The following TBXA2R variants were observed in gnomAD, a reference collection of about 807,000 sequenced individuals.
The protein encoded by TBXA2R is thromboxane A2 receptor.
A neutral mutation model predicts 15.6 loss-of-function variants in TBXA2R; 15 were observed. The ratio of observed to expected loss-of-function variants is 0.96; its 90% CI spans 0.64 to 1.48. The LOEUF (loss-of-function observed/expected upper bound fraction) is 1.48. TBXA2R is among the 40% of genes most tolerant of loss of function. TBXA2R has a pLI of 0.00. For synonymous variants in TBXA2R, 280 were observed against 241.2 expected (o/e 1.16, Z -1.49); for missense variants, 506 against 491.4 (o/e 1.03, Z -0.28).
Position 3,595,889 on chromosome 19 carries a change from G to A in TBXA2R, c.831C>T (p.Ser277=), listed in dbSNP as rs369380759. 6.2e-7 allele frequency: 1 copy of A among 1,607,910 alleles called. No individual in the cohort carries two copies. The highest frequency in any genetic ancestry group is 8.5e-7 in the Non-Finnish European group (1 of 1,177,868). ...QTVLRNPPAM[S]PAGQLSRTTE... Reference sequence around the variant, plus strand: ...TGGTGCGGGACAGCTGCCCGGCGGGGCTCATGGCAGGCGGGTTTCGCAGCA... The same window carrying A: ...TGGTGCGGGACAGCTGCCCGGCGGGACTCATGGCAGGCGGGTTTCGCAGCA... The change falls in exon 3 of 3, where the codon AGC becomes AGT. Residue 277 remains serine (S), a synonymous_variant. Coordinates refer to ENST00000375190, the MANE Select transcript of TBXA2R (RefSeq NM_001060.6).
Position 3,595,652 on chromosome 19 carries a change from C to G in TBXA2R, c.*36G>C. 2 of 1,538,538 alleles carry G rather than the reference C, an allele frequency of 1.3e-6. No individual in the cohort carries two copies. On this transcript the variant is annotated 3_prime_UTR_variant, in exon 3 of 3. Coordinates refer to ENST00000375190, the MANE Select transcript of TBXA2R (RefSeq NM_001060.6). ...GGGCTGTCCGAGGGGCCAAGGGCTCCGCGGAAAGGCGCGGGAGGGGCGCTC... is the reference window on the plus strand; with the variant it reads ...GGGCTGTCCGAGGGGCCAAGGGCTCGGCGGAAAGGCGCGGGAGGGGCGCTC...
chr19:3,603,705 A>G (rs1310109797), intron 1 of TBXA2R, among the ~76,000 whole-genome samples: 1 of 152,090 alleles, frequency 6.6e-6, no homozygotes, highest in Non-Finnish European at 1.5e-5. Flanking sequence ...GAGCAAATGC[A>G]TGGCCCAGAG....
rs1784620290 is a variant in TBXA2R at position 3,600,696 on chromosome 19, G to A, written c.-62C>T. The A allele has an allele frequency of 1.3e-6, 2 of 1,576,764 alleles. No homozygotes were observed. Among genetic ancestry groups the A allele is most frequent in the Non-Finnish European group, 1.7e-6 (2 of 1,157,270 alleles). On this transcript the variant is annotated 5_prime_UTR_variant, in exon 2 of 3. Coordinates refer to ENST00000375190, the MANE Select transcript of TBXA2R (RefSeq NM_001060.6). ...CAGGCCGATGCTGCAGACAGGGCAG[G>A]CTGGCACTGGTTCAGGCACACCTGG...
chr19:3,599,178 A>G (rs2032661107), intron 2 of TBXA2R, among the ~76,000 whole-genome samples: 1 of 151,130 alleles, frequency 6.6e-6, no homozygotes, highest in Non-Finnish European at 1.5e-5. Context: ...ATTTGGAGGC[A>G]GGGTCTCACT....
intron 1 of TBXA2R, among the ~76,000 whole-genome samples, chr19:3,604,630 C>T (rs1432857663): frequency 6.6e-6 from 1 of 152,060 alleles, no homozygotes; most frequent in Non-Finnish European, 1.5e-5. Context: ...GCTCTAGTCC[C>T]TGATCTGCCG....
At chr19:3,601,522 CAAA>C (rs765982921) in intron 1 of TBXA2R, among the ~76,000 whole-genome samples, 1 of 109,458 alleles carries the variant, frequency 9.1e-6, no homozygotes. Context: ...GACCCTGTCT[CAAA>C]AAAAAAAAAA....
In TBXA2R at chr19:3,595,388, A is replaced by AG; in HGVS notation, c.*299_*300insC. 7.3e-7 allele frequency: 1 copy of AG among 1,373,640 alleles called. No homozygotes were observed. 85.1% of individuals were successfully genotyped at this position (1,373,640 alleles called of 1,614,324 possible). On this transcript the variant is annotated 3_prime_UTR_variant, in exon 3 of 3. Transcript: ENST00000375190. Reference sequence around the variant, plus strand: ...AGCAAGACTCCGTCTAAAAAAAAAAATAGCAATGCAAGACCCTCTTCCAAT... The same window carrying AG: ...AGCAAGACTCCGTCTAAAAAAAAAAAGTAGCAATGCAAGACCCTCTTCCAAT...
Position 3,594,725 on chromosome 19 carries a change from G to T in TBXA2R, c.*963C>A. 1.1e-6 allele frequency: 1 copy of T among 929,104 alleles called. No homozygotes were observed. The highest frequency in any genetic ancestry group is 1.6e-6 in the Non-Finnish European group (1 of 631,628). 57.6% of individuals were successfully genotyped at this position (929,104 alleles called of 1,614,324 possible). A position where few individuals can be genotyped will look rare whatever the true frequency, so the allele number is the denominator to read the frequency against. ...CCAGCCCTGCCCTCGTCTGCTCCGG[G>T]TGAGGCCCAATGCACAAACTCCAGA... On this transcript the variant is annotated 3_prime_UTR_variant, in exon 3 of 3. Coordinates refer to ENST00000375190, the MANE Select transcript of TBXA2R (RefSeq NM_001060.6).
chr19:3,600,529 C>T lies in TBXA2R; in HGVS notation c.106G>A (p.Val36Met), dbSNP rs539269272. The change falls in exon 2 of 3, where the codon GTG (valine) becomes ATG (methionine). Residue 36 changes from valine (V) to methionine (M), a missense_variant. Physicochemically the swap from Val to Met is conservative, Grantham distance 21 (BLOSUM62 1). Transcript: ENST00000375190. ...ASPWFAASFC[V>M]VGLASNLLAL... is the part of the protein sequence containing the mutation. ...AGCAGGTTGGAGGCCAGGCCCACCA[C>T]GCAGAAGGAGGCGGCGAACCAGGGC... 22 of 1,612,104 alleles carry T rather than the reference C, an allele frequency of 1.4e-5. No homozygotes were observed. In the South Asian group the frequency reaches 2.1e-4, roughly 15 times the overall value.
Position 3,600,224 on chromosome 19 carries a change from G to A in TBXA2R, c.411C>T (p.Pro137=). ...ASERYLGITR[P]FSRPAVASQR... is the part of the protein sequence containing the mutation. ...GCGAGGCGACCGCCGGGCGCGAGAA[G>A]GGCCGGGTGATACCCAGGTAGCGCT... is the stretch of plus-strand genomic sequence containing the variant. The change falls in exon 2 of 3, where the codon CCC becomes CCT. Residue 137 remains proline, a synonymous_variant. Transcript: ENST00000375190. 1 of 1,609,802 alleles carries A rather than the reference G, an allele frequency of 6.2e-7. No individual in the cohort carries two copies. The highest frequency in any genetic ancestry group is 1.1e-5 in the South Asian group (1 of 90,928).
rs1433032879 is a variant in TBXA2R at position 3,600,169 on chromosome 19, C to A, written c.466G>T (p.Val156Leu). 6.3e-7 allele frequency: 1 copy of A among 1,599,918 alleles called. No homozygotes were observed. The highest frequency in any genetic ancestry group is 1.1e-5 in the South Asian group (1 of 90,002). Residue 156 changes from valine (V) to leucine (L), a missense_variant, in exon 2 of 3, where the codon GTG becomes TTG. Transcript: ENST00000375190. ...CCCAGCGCCAGCGCGGCCGCCCACA[C>A]CAGCCCCACGGTGGCCCAGGCGCGG... The part of the protein sequence containing the change: ...QRRAWATVGL[V>L]WAAALALGLL...
intron 2 of TBXA2R, among the ~76,000 whole-genome samples, chr19:3,597,147 G>C (rs1483692065): frequency 2.6e-5 from 4 of 151,152 alleles, no homozygotes; most frequent in Non-Finnish European, 5.9e-5. Context: ...TCTCCATGTT[G>C]GTCAGGCTAG....
At position 3,595,898 on chromosome 19, in the gene TBXA2R, A is replaced by C. The variant is rs1379367387; in HGVS notation, c.822T>G (p.Pro274=). 1.2e-6 allele frequency: 2 copies of C among 1,604,760 alleles called. No homozygotes were observed. The highest frequency in any genetic ancestry group is 3.4e-5 in the Admixed American group (2 of 58,710). ...FIAQTVLRNP[P]AMSPAGQLSR... is the part of the protein sequence containing the mutation. ...ACAGCTGCCCGGCGGGGCTCATGGC[A>C]GGCGGGTTTCGCAGCACTGTCTGGG... Residue 274 remains proline (P), a synonymous_variant, in exon 3 of 3, where the codon CCT becomes CCG. Coordinates refer to ENST00000375190, the MANE Select transcript of TBXA2R (RefSeq NM_001060.6).
At chr19:3,601,950 G>A (rs574147481) in intron 1 of TBXA2R, among the ~76,000 whole-genome samples, 7 of 150,974 alleles carry the variant, frequency 4.6e-5, no homozygotes, top group East Asian at 2.0e-4. Flanking sequence ...GGCCAGGTGC[G>A]GTGGCTCACG....
rs1409323003 is a variant in TBXA2R at position 3,600,431 on chromosome 19, G to C, written c.204C>G (p.Cys68Trp). The C allele has an allele frequency of 6.2e-7, 1 of 1,613,302 alleles. No individual in the cohort carries two copies. Among genetic ancestry groups the C allele is most frequent in the African/African-American group, 1.3e-5 (1 of 75,032 alleles). The stretch of plus-strand genomic sequence containing the variant: ...CCAGGAAGTCGGTGAGGACGAGGCC[G>C]CAGAGGAAGGTGAGGAAGGAGGAGC... ...HTRSSFLTFL[C>W]GLVLTDFLGL... The change falls in exon 2 of 3, where the codon TGC (cysteine) becomes TGG (tryptophan). Residue 68 changes from cysteine to tryptophan, a missense_variant. Cys to Trp is a radical substitution (Grantham distance 215). Transcript: ENST00000375190.
rs199567591 is a variant in TBXA2R at position 3,600,684 on chromosome 19, C to T, written c.-50G>A. ...TCACCACCCCATCAGGCCGATGCTG[C>T]AGACAGGGCAGGCTGGCACTGGTTC... On this transcript the variant is annotated 5_prime_UTR_variant, in exon 2 of 3. Coordinates refer to ENST00000375190, the MANE Select transcript of TBXA2R (RefSeq NM_001060.6). 2 of 1,593,886 alleles carry T rather than the reference C, an allele frequency of 1.3e-6. No individual in the cohort carries two copies. The highest frequency in any genetic ancestry group is 1.7e-6 in the Non-Finnish European group (2 of 1,169,094).
intron 1 of TBXA2R, among the ~76,000 whole-genome samples, chr19:3,603,666 C>T (rs1379369681): frequency 2.6e-5 from 4 of 152,154 alleles, no homozygotes; most frequent in South Asian, 2.1e-4. Context: ...GTCACACACC[C>T]GGAACTCCCT....
intron 2 of TBXA2R, 75 bp from the exon 3 acceptor site, chr19:3,596,008 T>A: frequency 1.3e-6 from 2 of 1,524,586 alleles, no homozygotes; most frequent in South Asian, 1.2e-5. Context: ...CGGGGTCCCT[T>A]GAGATCCAGG....
rs1184180340 is a variant in TBXA2R, at chr19:3,595,878, T to G, written c.842A>C (p.Gln281Pro). 1 of 1,609,190 alleles carries G rather than the reference T, an allele frequency of 6.2e-7. No homozygotes were observed. Among genetic ancestry groups the G allele is most frequent in the South Asian group, 1.1e-5 (1 of 89,996 alleles). ...CTCCTTCTCCGTGGTGCGGGACAGC[T>G]GCCCGGCGGGGCTCATGGCAGGCGG... is the stretch of plus-strand genomic sequence containing the variant. ...RNPPAMSPAG[Q>P]LSRTTEKELL... is the part of the protein sequence containing the mutation. Residue 281 changes from glutamine to proline, a missense_variant, in exon 3 of 3, where the codon CAG becomes CCG. Coordinates refer to ENST00000375190, the MANE Select transcript of TBXA2R (RefSeq NM_001060.6).
Sources: gnomAD v4.1 joint callset for allele counts (sites outside exome capture counted in the v4.1 genomes callset) on GRCh38, gnomAD v4.1.1 for gene constraint, MANE v1.5 for transcripts, NCBI Gene and HGNC (gene_info 2026-07-23, HGNC 2026-07-21) for gene names.